Variants in LDLRAD4 observed in about 807,000 individuals in gnomAD.
LDLRAD4 encodes the protein low density lipoprotein receptor class A domain containing 4.
Under a neutral mutation model 17.0 loss-of-function variants are expected in LDLRAD4, and 5 were observed. The observed-to-expected ratio is 0.29, with a 90% CI of 0.15 to 0.62. The LOEUF is 0.62. Ranked by LOEUF, LDLRAD4 falls within the 20% of genes least tolerant of loss-of-function variation. The pLI is 0.84. For synonymous variants in LDLRAD4, 168 were observed against 171.8 expected, an observed-to-expected ratio of 0.98 and a Z score of 0.17; for missense variants, 340 against 424.7, an observed-to-expected ratio of 0.80 and a Z score of 1.75.
chr18:13,633,693 CAGCAGGAGCGGGGAGAAGCCAGGT>C (rs560358768), intron 4 of LDLRAD4, among the ~76,000 whole-genome samples: 2,844 of 152,342 alleles, frequency 0.019, 24 homozygotes, highest in Non-Finnish European at 0.025. Flanking sequence ...TTGGAGCAGG[CAGCAGGAGCGGGGAGAAGCCAGGT>C]AGCAGGAGCA....
chr18:13,641,199 C>T (rs181871132), intron 4 of LDLRAD4, among the ~76,000 whole-genome samples: 2 of 152,264 alleles, frequency 1.3e-5, no homozygotes, highest in East Asian at 3.9e-4. Context: ...AGCACTTTAG[C>T]AGGCTGAGGC....
chr18:13,425,736 G>A (rs1237411908), intron 2 of LDLRAD4, among the ~76,000 whole-genome samples: 1 of 152,220 alleles, frequency 6.6e-6, no homozygotes, highest in African/African-American at 2.4e-5. Context: ...GGAGGCAGCT[G>A]CATTGTTCTC....
chr18:13,552,014 G>A (rs1423506374), intron 3 of LDLRAD4, among the ~76,000 whole-genome samples: 2 of 152,060 alleles, frequency 1.3e-5, no homozygotes, highest in Admixed American at 6.5e-5. Flanking sequence ...CAGATATCCT[G>A]TGAGCTCATT....
intron 1 of LDLRAD4, among the ~76,000 whole-genome samples, chr18:13,317,907 A>G (rs758763173): frequency 2.0e-5 from 3 of 146,664 alleles, no homozygotes; most frequent in Non-Finnish European, 4.6e-5. Flanking sequence ...TTTTTATCAT[A>G]TGACACCAAC....
At chr18:13,594,695 A>G (rs770699687) in intron 3 of LDLRAD4, among the ~76,000 whole-genome samples, 1 of 145,744 alleles carries the variant, frequency 6.9e-6, no homozygotes, top group Non-Finnish European at 1.5e-5. Context: ...AAAAAGAAAC[A>G]GGAAGAAATA....
chr18:13,564,606 A>AC (rs1555744158), intron 3 of LDLRAD4, among the ~76,000 whole-genome samples: 108 of 143,260 alleles, frequency 7.5e-4, no homozygotes, highest in African/African-American at 2.3e-3. Flanking sequence ...AAAAAAAAAA[A>AC]CTCACAAAAA....
intron 1 of LDLRAD4, among the ~76,000 whole-genome samples, chr18:13,263,270 G>A (rs898572974): frequency 6.5e-4 from 98 of 150,914 alleles, no homozygotes; most frequent in African/African-American, 2.3e-3. Context: ...CGAATCCCAT[G>A]CGGCTCTGTG....
rs557435733 is a variant in LDLRAD4, at chr18:13,367,732, G to A, written c.-382-19609G>A. On this transcript the variant is annotated intron_variant, in intron 1 of 5. Coordinates refer to ENST00000359446, the Ensembl canonical transcript of LDLRAD4. The surrounding 1 kb of genome is among the most constrained non-coding windows in gnomAD (Gnocchi z 4.1). ...AGGGATATACCGAGAGGAGACAGCC[G>A]AGCCCGGGGGGCATGCACTGTCAAG... Among the ~76,000 whole-genome samples the A allele has an allele frequency of 3.3e-5, 5 of 152,032 alleles. No homozygotes were observed. Among genetic ancestry groups the A allele is most frequent in the South Asian group, 4.2e-4 (2 of 4,788 alleles).
chr18:13,568,099 A>G (rs542111156), intron 3 of LDLRAD4, among the ~76,000 whole-genome samples: 2 of 152,276 alleles, frequency 1.3e-5, no homozygotes, highest in East Asian at 3.9e-4. Flanking sequence ...GTTCGAGACC[A>G]GCCTAGCCAA....
chr18:13,392,404 T>G (rs547425543), intron 2 of LDLRAD4, among the ~76,000 whole-genome samples: 1 of 152,384 alleles, frequency 6.6e-6, no homozygotes, highest in African/African-American at 2.4e-5. Context: ...TCTTTCTGCC[T>G]GGCTGTCATT....
intron 1 of LDLRAD4, among the ~76,000 whole-genome samples, chr18:13,265,995 C>T (rs1181421818): frequency 1.3e-5 from 2 of 152,082 alleles, no homozygotes; most frequent in Non-Finnish European, 2.9e-5. Context: ...TTTTAAGCAT[C>T]GATATGTTTA....
intron 3 of LDLRAD4, among the ~76,000 whole-genome samples, chr18:13,507,497 C>A (rs1009236153): frequency 5.9e-5 from 9 of 152,184 alleles, no homozygotes; most frequent in African/African-American, 1.9e-4. Context: ...TTATTTCATT[C>A]CTTTGTATGA....
chr18:13,277,544 T>C (rs2044960245), upstream of LDLRAD4, among the ~76,000 whole-genome samples: 1 of 152,088 alleles, frequency 6.6e-6, no homozygotes, highest in African/African-American at 2.4e-5. Flanking sequence ...GGTGGGCAGG[T>C]AAAGGCAGCC....
chr18:13,387,174 C>T (rs1016969647), intron 1 of LDLRAD4, among the ~76,000 whole-genome samples, 167 bp from the exon 3 acceptor site: 5 of 152,314 alleles, frequency 3.3e-5, no homozygotes, highest in Non-Finnish European at 5.9e-5. Flanking sequence ...TAGCTGTGGC[C>T]TTGGGGGCAG....
intron 2 of LDLRAD4, among the ~76,000 whole-genome samples, chr18:13,423,030 G>A (rs2089627716): frequency 6.6e-6 from 1 of 152,220 alleles, no homozygotes. Flanking sequence ...AACTTAGCCT[G>A]CATTGAGCCT....
intron 1 of LDLRAD4, among the ~76,000 whole-genome samples, chr18:13,291,251 A>C (rs948402813): frequency 2.6e-5 from 4 of 152,228 alleles, no homozygotes; most frequent in African/African-American, 9.7e-5. Flanking sequence ...CCAGAAAACA[A>C]AATGACAAAT....
chr18:13,325,969 G>C (rs537780678), intron 1 of LDLRAD4, among the ~76,000 whole-genome samples: 1 of 151,948 alleles, frequency 6.6e-6, no homozygotes, highest in African/African-American at 2.4e-5. Context: ...GGGTTTCACT[G>C]TATTAGCCAG....
rs539755245 is a variant in LDLRAD4, at chr18:13,385,804, A to G, written c.-382-1537A>G. Among the ~76,000 whole-genome samples the G allele has an allele frequency of 1.1e-4, 17 of 152,322 alleles. 1 individual carries two copies. The South Asian group carries it at 3.5e-3, about 32-fold the overall frequency. Reference sequence around the variant, plus strand: ...TTAGATGGAATGTTAGAATTCAGAGAAAAAATGTTTTCTCACATTTTCAAG... The same window carrying G: ...TTAGATGGAATGTTAGAATTCAGAGGAAAAATGTTTTCTCACATTTTCAAG... On this transcript the variant is annotated intron_variant, in intron 1 of 5. Transcript: ENST00000359446.
At chr18:13,589,814 C>T (rs764013756) in intron 3 of LDLRAD4, among the ~76,000 whole-genome samples, 3 of 152,008 alleles carry the variant, frequency 2.0e-5, no homozygotes, top group Non-Finnish European at 4.4e-5. Flanking sequence ...GAGGTTATGA[C>T]GCCCAGGAGA....
Sources: allele counts gnomAD v4.1 joint callset (sites outside exome capture counted in the v4.1 genomes callset), GRCh38; gene constraint gnomAD v4.1.1; non-coding constraint Gnocchi (gnomAD v3.1); transcripts MANE v1.5; gene names NCBI Gene and HGNC (gene_info 2026-07-23, HGNC 2026-07-21).